Variants in XPR1 observed in about 807,000 individuals in gnomAD.
XPR1 encodes solute carrier family 53 member 1.
A neutral mutation model predicts 87.5 loss-of-function variants in XPR1; 28 were observed. The observed-to-expected ratio is 0.32, with a 90% CI of 0.24 to 0.44. The LOEUF (loss-of-function observed/expected upper bound fraction) is 0.44, where lower values mean the gene tolerates loss of function less well. Ranked by LOEUF, XPR1 falls within the 20% of genes least tolerant of loss-of-function variation. XPR1 has a pLI of 1.00. For missense variants in XPR1, 559 were observed against 862.3 expected, an observed-to-expected ratio of 0.65 and a Z score of 4.41; for synonymous variants, 300 against 306.1, an observed-to-expected ratio of 0.98 and a Z score of 0.21.
At chr1:180,777,888 T>C (rs954566960) in intron 2 of XPR1, among the ~76,000 whole-genome samples, 2 of 152,082 alleles carry the variant, frequency 1.3e-5, no homozygotes, top group Non-Finnish European at 2.9e-5. Context: ...GTGTAGGGAA[T>C]ATAATTAAAA....
chr1:180,719,168 A>G (rs1658096595), intron 2 of XPR1, among the ~76,000 whole-genome samples: 1 of 152,254 alleles, frequency 6.6e-6, no homozygotes, highest in African/African-American at 2.4e-5. Context: ...TACCAAGGAA[A>G]TGTACAGACA....
At chr1:180,741,667 A>G (rs1321916522) in intron 2 of XPR1, among the ~76,000 whole-genome samples, 1 of 151,962 alleles carries the variant, frequency 6.6e-6, no homozygotes, top group Admixed American at 6.6e-5. Context: ...TTGTATTTTT[A>G]GTAGAGATGG....
chr1:180,745,457 C>T (rs967076720), intron 2 of XPR1, among the ~76,000 whole-genome samples: 26 of 152,136 alleles, frequency 1.7e-4, no homozygotes, highest in Non-Finnish European at 2.9e-4. Context: ...AGTACTACTT[C>T]GCTGCTGTAA....
intron 11 of XPR1, among the ~76,000 whole-genome samples, chr1:180,841,487 T>C (rs1651513341): frequency 6.6e-6 from 1 of 152,186 alleles, no homozygotes; most frequent in Non-Finnish European, 1.5e-5. Flanking sequence ...TGAAATCCCC[T>C]TAGACTCTTA....
chr1:180,653,628 A>C (rs1238930518), intron 1 of XPR1, among the ~76,000 whole-genome samples: 2 of 152,196 alleles, frequency 1.3e-5, no homozygotes, highest in Non-Finnish European at 1.5e-5. Flanking sequence ...GTTTCTATAC[A>C]TACATACCTA....
chr1:180,787,511 TC>T (rs997573211), intron 2 of XPR1, among the ~76,000 whole-genome samples: 16 of 152,144 alleles, frequency 1.1e-4, no homozygotes, highest in African/African-American at 3.9e-4. Context: ...ACTCCTGACT[TC>T]AAGTGATCTG....
chr1:180,688,757 A>G (rs956829479), intron 2 of XPR1, among the ~76,000 whole-genome samples: 1 of 152,176 alleles, frequency 6.6e-6, no homozygotes, highest in Non-Finnish European at 1.5e-5. Context: ...TATAAAGTGA[A>G]ATATCTTTTA....
chr1:180,877,836 G>A (rs1190062877), intron 13 of XPR1: 1 of 152,160 alleles, frequency 6.6e-6, no homozygotes, highest in African/African-American at 2.4e-5. Context: ...TCTTTAATGT[G>A]CTGAAAGAAA....
intron 3 of XPR1, among the ~76,000 whole-genome samples, chr1:180,801,003 C>T (rs187125454): frequency 3.9e-5 from 6 of 152,240 alleles, no homozygotes; most frequent in Admixed American, 3.9e-4. Context: ...GTAGGTTGCC[C>T]ATTTCTGTCT....
At chr1:180,723,852 C>T (rs961423978) in intron 2 of XPR1, among the ~76,000 whole-genome samples, 5 of 152,026 alleles carry the variant, frequency 3.3e-5, no homozygotes, top group African/African-American at 7.2e-5. Context: ...GATATTTGGC[C>T]GTTTCATTAT....
At chr1:180,841,231 A>C (rs1651504595) in intron 11 of XPR1, among the ~76,000 whole-genome samples, 1 of 152,160 alleles carries the variant, frequency 6.6e-6, no homozygotes, top group Non-Finnish European at 1.5e-5. Flanking sequence ...AGACTTCTGG[A>C]GGTAACATCT....
At chr1:180,678,577 T>C (rs1242676722) in intron 1 of XPR1, among the ~76,000 whole-genome samples, 1 of 152,244 alleles carries the variant, frequency 6.6e-6, no homozygotes. Flanking sequence ...TTTAAGCATA[T>C]GTGACATTAA....
intron 9 of XPR1, among the ~76,000 whole-genome samples, chr1:180,828,959 G>A (rs1650958708): frequency 6.6e-6 from 1 of 152,158 alleles, no homozygotes; most frequent in Non-Finnish European, 1.5e-5. Flanking sequence ...CACTTTGAGA[G>A]GCGGAGGTGG....
intron 2 of XPR1, among the ~76,000 whole-genome samples, chr1:180,709,626 G>A (rs927506777): frequency 2.6e-5 from 4 of 152,238 alleles, no homozygotes; most frequent in South Asian, 2.1e-4. Context: ...GCAATTTTAC[G>A]TTCACTTAGA....
At chr1:180,747,967 A>C (rs898586874) in intron 2 of XPR1, among the ~76,000 whole-genome samples, 2 of 152,216 alleles carry the variant, frequency 1.3e-5, no homozygotes, top group African/African-American at 4.8e-5. Flanking sequence ...ACAAAACAAA[A>C]CAGATTTTCC....
intron 7 of XPR1, among the ~76,000 whole-genome samples, chr1:180,823,373 T>C (rs982451426): frequency 1.3e-5 from 2 of 152,172 alleles, no homozygotes; most frequent in Non-Finnish European, 2.9e-5. Context: ...AAACGAAATA[T>C]GTTGATTCAG....
At chr1:180,807,217 G>A (rs1650029516) in intron 6 of XPR1, among the ~76,000 whole-genome samples, 2 of 152,190 alleles carry the variant, frequency 1.3e-5, no homozygotes, top group African/African-American at 4.8e-5. Context: ...AGCCAGTGCG[G>A]TAAGGGAAGA....
rs557081747 is a variant in XPR1, at chr1:180,663,975, C to G, written c.70-18385C>G. Among the ~76,000 whole-genome samples, 7 of 152,128 alleles carry G rather than the reference C, an allele frequency of 4.6e-5. No individual in the cohort carries two copies. The South Asian group carries it at 1.5e-3, about 32-fold the overall frequency. On this transcript the variant is annotated intron_variant, in intron 1 of 14. Coordinates refer to ENST00000367590, the MANE Select transcript of XPR1 (RefSeq NM_004736.4). The stretch of plus-strand genomic sequence containing the variant: ...CACCAATGTGCACTTATGGCCCAAG[C>G]GCTCTTCATTTAGTTTGTGGTGAAT...
At chr1:180,755,419 A>G (rs17301581) in intron 2 of XPR1, among the ~76,000 whole-genome samples, 8,099 of 152,304 alleles carry the variant, frequency 0.053, 312 homozygotes, top group Non-Finnish European at 0.078. Context: ...TACTGTATGT[A>G]GCTGAACCGA....
Sources: allele counts gnomAD v4.1 joint callset (sites outside exome capture counted in the v4.1 genomes callset), GRCh38; gene constraint gnomAD v4.1.1; transcripts MANE v1.5; gene names NCBI Gene and HGNC (gene_info 2026-07-23, HGNC 2026-07-21).